Variants in DLGAP4 observed in about 807,000 individuals in gnomAD.
The protein encoded by DLGAP4 is disks large-associated protein 4.
In DLGAP4, 18 loss-of-function variants were observed where a neutral mutation model predicts 86.9. That is an observed-to-expected ratio of 0.21 (90% CI 0.14 to 0.31). The LOEUF (loss-of-function observed/expected upper bound fraction) is 0.31, where lower values mean the gene tolerates loss of function less well. Among genes scored for constraint, DLGAP4 ranks in the 10% least tolerant of loss-of-function variants. The probability of loss-of-function intolerance (pLI) is 1.00; values close to 1 mark genes in which losing one functional copy is unlikely to be tolerated. For missense variants in DLGAP4, 1,085 were observed against 1,362.6 expected, an observed-to-expected ratio of 0.80 and a Z score of 3.21; for synonymous variants, 548 against 574.3, an observed-to-expected ratio of 0.95 and a Z score of 0.65.
At chr20:36,442,463 G>C (rs1324427411) in intron 5 of DLGAP4, among the ~76,000 whole-genome samples, 1 of 152,176 alleles carries the variant, frequency 6.6e-6, no homozygotes, top group Non-Finnish European at 1.5e-5. Flanking sequence ...CAGAGTGCTG[G>C]GATTATAGGC....
At chr20:36,433,320 CA>C (rs563218404) in intron 3 of DLGAP4, among the ~76,000 whole-genome samples, 23 of 152,326 alleles carry the variant, frequency 1.5e-4, no homozygotes, top group Middle Eastern at 3.4e-3. Flanking sequence ...TGCAGGGGCC[CA>C]GGGGGTCCTA....
At chr20:36,328,630 G>T (rs893768655) in intron 1 of DLGAP4, among the ~76,000 whole-genome samples, 16 of 151,822 alleles carry the variant, frequency 1.1e-4, no homozygotes, top group Admixed American at 3.3e-4. Flanking sequence ...TTTATTGTTT[G>T]TTTTTTTGTT....
intron 7 of DLGAP4, among the ~76,000 whole-genome samples, chr20:36,449,760 G>T (rs527648763): frequency 6.2e-4 from 95 of 152,362 alleles, no homozygotes; most frequent in African/African-American, 2.2e-3. Flanking sequence ...ATGGACTAAA[G>T]ATAGGGGATG....
chr20:36,463,287 G>A (rs1238593085), intron 7 of DLGAP4, among the ~76,000 whole-genome samples: 1 of 152,188 alleles, frequency 6.6e-6, no homozygotes, highest in Non-Finnish European at 1.5e-5. Context: ...GTAAAAAGTG[G>A]ATAATTGTGC....
At chr20:36,446,041 G>A (rs2033583626) in intron 6 of DLGAP4, among the ~76,000 whole-genome samples, 1 of 152,180 alleles carries the variant, frequency 6.6e-6, no homozygotes, top group Admixed American at 6.5e-5. Flanking sequence ...TTTCCATACT[G>A]TCCATGGCAG....
chr20:36,485,108 G>A (rs900639203), intron 7 of DLGAP4, among the ~76,000 whole-genome samples: 4 of 151,940 alleles, frequency 2.6e-5, no homozygotes, highest in East Asian at 1.9e-4. Flanking sequence ...TTCTTTGGCC[G>A]GGCGAGGTGG....
At chr20:36,329,303 G>A (rs2065245511) in intron 1 of DLGAP4, among the ~76,000 whole-genome samples, 1 of 152,218 alleles carries the variant, frequency 6.6e-6, no homozygotes. Flanking sequence ...ACAGTCATGA[G>A]TTTGAACCTG....
At chr20:36,437,855 A>G (rs1366255058) in intron 4 of DLGAP4, among the ~76,000 whole-genome samples, 1 of 152,120 alleles carries the variant, frequency 6.6e-6, no homozygotes, top group African/African-American at 2.4e-5. Context: ...GGAATTAAGG[A>G]CACCACCAGA....
intron 1 of DLGAP4, among the ~76,000 whole-genome samples, chr20:36,347,817 AAAT>A (rs1471634148): frequency 6.7e-6 from 1 of 150,232 alleles, no homozygotes; most frequent in African/African-American, 2.5e-5. Context: ...CAAGACACTT[AAAT>A]AATAATAATA....
chr20:36,476,318 C>CTTT lies in DLGAP4; in HGVS notation c.1649-20363_1649-20361dup, dbSNP rs1028980966. On this transcript the variant is annotated intron_variant, in intron 7 of 12. Transcript: ENST00000339266. ...CCCTTGCCTGGTCCCTGGCAACCAC[C>CTTT]TTTTTTTTTTTTTTTTTTTTTTTTT... Among the ~76,000 whole-genome samples, 43 of 119,598 alleles carry CTTT rather than the reference C, an allele frequency of 3.6e-4. 5 individuals are homozygous for CTTT. The highest frequency in any genetic ancestry group is 4.7e-4 in the African/African-American group (15 of 31,752). The allele number at this position is 119,598 out of a possible 152,430, so 78.5% of individuals were successfully genotyped here.
intron 7 of DLGAP4, among the ~76,000 whole-genome samples, chr20:36,457,774 C>G (rs958012648): frequency 2.0e-5 from 3 of 151,506 alleles, no homozygotes; most frequent in African/African-American, 7.3e-5. Context: ...CTTGGCCTCC[C>G]AAAGTGCTGA....
At chr20:36,434,451 C>T (rs370756495) in intron 3 of DLGAP4, among the ~76,000 whole-genome samples, 2 of 152,132 alleles carry the variant, frequency 1.3e-5, no homozygotes, top group African/African-American at 2.4e-5. Flanking sequence ...GATGTGTGAC[C>T]GGGCTTCCTC....
intron 7 of DLGAP4, among the ~76,000 whole-genome samples, chr20:36,479,211 G>A (rs1243372926): frequency 6.6e-6 from 1 of 152,152 alleles, no homozygotes; most frequent in Non-Finnish European, 1.5e-5. Context: ...ACTTGTTCCA[G>A]CATCACTGTC....
intron 2 of DLGAP4, among the ~76,000 whole-genome samples, chr20:36,419,717 T>C (rs1567196): frequency 0.7 from 106,254 of 152,150 alleles, 37,383 homozygotes; most frequent in Admixed American, 0.77. Context: ...TCCTTCCACA[T>C]GGCCCTCTCC....
rs2033275354 is a variant in DLGAP4 at position 36,436,344 on chromosome 20, C to T, written c.1235C>T (p.Pro412Leu). 6.3e-7 allele frequency: 1 copy of T among 1,593,414 alleles called. No individual in the cohort carries two copies. The highest frequency in any genetic ancestry group is 8.5e-7 in the Non-Finnish European group (1 of 1,173,420). ...CAGTCGCTGGGAGAGCAGAGCAACC[C>T]CCGCAGGTAGGCGCGCAGCTCCACC... ...TQQSLGEQSN[P>L]RRSLDRLDSV... Residue 412 changes from proline to leucine, a missense_variant, in exon 4 of 13, where the codon CCC becomes CTC. Coordinates refer to ENST00000339266, the MANE Select transcript of DLGAP4 (RefSeq NM_001365621.2).
At chr20:36,511,629 C>A (rs1467558097) in intron 10 of DLGAP4, among the ~76,000 whole-genome samples, 2 of 151,962 alleles carry the variant, frequency 1.3e-5, no homozygotes, top group Non-Finnish European at 2.9e-5. Flanking sequence ...AATCCCAGCA[C>A]TTTGGAAGGC....
At chr20:36,376,332 G>A (rs973829892) in intron 2 of DLGAP4, among the ~76,000 whole-genome samples, 3 of 152,110 alleles carry the variant, frequency 2.0e-5, no homozygotes, top group African/African-American at 7.2e-5. Context: ...TTAGCTGGGT[G>A]CAGTGGCAGG....
At chr20:36,389,979 C>T (rs1355681846) in intron 2 of DLGAP4, among the ~76,000 whole-genome samples, 1 of 152,184 alleles carries the variant, frequency 6.6e-6, no homozygotes, top group Non-Finnish European at 1.5e-5. Context: ...GAAACCAAAG[C>T]ATGGGTGGTG....
At chr20:36,464,437 G>C (rs1331946609) in intron 7 of DLGAP4, among the ~76,000 whole-genome samples, 1 of 152,156 alleles carries the variant, frequency 6.6e-6, no homozygotes, top group African/African-American at 2.4e-5. Context: ...GCATGCGCTT[G>C]TATTCCCAGC....
Sources: allele counts gnomAD v4.1 joint callset (sites outside exome capture counted in the v4.1 genomes callset), GRCh38; gene constraint gnomAD v4.1.1; transcripts MANE v1.5; gene names NCBI Gene and HGNC (gene_info 2026-07-23, HGNC 2026-07-21).